Variants in MAP2K2 observed in about 807,000 individuals in gnomAD.
MAP2K2 encodes dual specificity mitogen-activated protein kinase kinase 2.
MAP2K2 carries 24 observed loss-of-function variants against 43.7 expected under a neutral mutation model. The ratio of observed to expected loss-of-function variants is 0.55; its 90% CI spans 0.40 to 0.77. MAP2K2 has a LOEUF of 0.77. Among genes scored for constraint, MAP2K2 ranks in the 30% least tolerant of loss-of-function variants. The probability of loss-of-function intolerance (pLI) is 0.00; values close to 1 mark genes in which losing one functional copy is unlikely to be tolerated. For missense variants in MAP2K2, 470 were observed against 566.8 expected (o/e 0.83, Z 1.73); for synonymous variants, 244 against 239.7 (o/e 1.02, Z -0.17).
chr19:4,113,474 C>T (rs2041181267), intron 2 of MAP2K2, among the ~76,000 whole-genome samples: 1 of 152,026 alleles, frequency 6.6e-6, no homozygotes, highest in African/African-American at 2.4e-5. Context: ...TAAAGTTCAC[C>T]CTGACAAGCC....
rs2041332242 is a variant in MAP2K2, at chr19:4,123,640, C to G, written c.92+144G>C. Reference sequence around the variant, plus strand: ...CTGTCCTCCCCTCGAGAACCCCCTGCCCCGTGCACCACTCACCCCGTCCTC... The same window carrying G: ...CTGTCCTCCCCTCGAGAACCCCCTGGCCCGTGCACCACTCACCCCGTCCTC... On this transcript the variant is annotated intron_variant, in intron 1 of 10. Transcript: ENST00000262948. The G allele has an allele frequency of 6.5e-6, 3 of 463,526 alleles. No individual in the cohort carries two copies. In the South Asian group the frequency reaches 8.3e-5, roughly 13 times the overall value. The allele number at this position is 463,526 out of a possible 1,614,324, so 28.7% of individuals were successfully genotyped here. A position where few individuals can be genotyped will look rare whatever the true frequency, so the allele number is the denominator to read the frequency against.
chr19:4,105,947 G>C (rs2041080608), intron 3 of MAP2K2, among the ~76,000 whole-genome samples: 1 of 152,124 alleles, frequency 6.6e-6, no homozygotes, highest in South Asian at 2.1e-4. Flanking sequence ...ACAGGAGTGA[G>C]CACCTGGCCC....
In MAP2K2 at chr19:4,090,433, A is replaced by C; in HGVS notation, c.*165T>G. 1 of 671,338 alleles carries C rather than the reference A, an allele frequency of 1.5e-6. No individual in the cohort carries two copies. The highest frequency in any genetic ancestry group is 1.7e-5 in the South Asian group (1 of 60,026). 41.6% of individuals were successfully genotyped at this position (671,338 alleles called of 1,614,324 possible). ...GCACCCCGGCCAGGACGGGCAGGAG[A>C]GGAGACCCCCGTTCCTGCATGCGCT... On this transcript the variant is annotated 3_prime_UTR_variant, in exon 11 of 11. Transcript: ENST00000262948.
At chr19:4,091,240 G>A (rs979020539) in intron 10 of MAP2K2, among the ~76,000 whole-genome samples, 1 of 152,244 alleles carries the variant, frequency 6.6e-6, no homozygotes, top group Non-Finnish European at 1.5e-5. Flanking sequence ...TACAGGCACC[G>A]TCCCACTCGC....
chr19:4,115,960 CAG>C lies in MAP2K2; in HGVS notation c.303+1457_303+1458del, dbSNP rs1411626017. 1.1e-4 allele frequency among the ~76,000 whole-genome samples: 17 copies of C among 152,304 alleles called. No homozygotes were observed. The East Asian group carries it at 3.3e-3, about 29-fold the overall frequency. On this transcript the variant is annotated intron_variant, in intron 2 of 10. Coordinates refer to ENST00000262948, the MANE Select transcript of MAP2K2 (RefSeq NM_030662.4). This position sits in a 1 kb window ranked among gnomAD's most constrained non-coding sequence, Gnocchi z 4.1. ...ATCCCCTGGGCACTATTCTCAAACA[CAG>C]AGCACAGAGGCTGCATCATGGCCCA...
chr19:4,123,857 G>C lies in MAP2K2; in HGVS notation c.19C>G (p.Pro7Ala). The C allele has an allele frequency of 6.6e-7, 1 of 1,513,484 alleles. No homozygotes were observed. The allele number at this position is 1,513,484 out of a possible 1,614,324, so 93.8% of individuals were successfully genotyped here. A position where few individuals can be genotyped will look rare whatever the true frequency, so the allele number is the denominator to read the frequency against. The change falls in exon 1 of 11, where the codon CCG becomes GCG. Residue 7 changes from proline to alanine, a missense_variant. By Grantham distance (27) the Pro-to-Ala change is conservative. Around this residue, in one of 3 missense-constraint regions of MAP2K2, gnomAD observed 58 missense variants for 48.0 expected, o/e 1.21. Transcript: ENST00000262948. Reference protein sequence around the residue: MLARRKPVLPALTINPT... With the variant: MLARRKAVLPALTINPT... ...TTGATGGTGAGCGCCGGCAGCACCG[G>C]CTTCCTCCGGGCCAGCATCGGGGCT...
intron 10 of MAP2K2, among the ~76,000 whole-genome samples, chr19:4,093,070 G>A (rs1041085372): frequency 3.3e-5 from 5 of 152,224 alleles, no homozygotes; most frequent in East Asian, 3.9e-4. Context: ...TTAGCTGGGC[G>A]TGGTGGCAGC....
chr19:4,115,090 G>C lies in MAP2K2; in HGVS notation c.303+2329C>G, dbSNP rs984998898. 1.3e-5 allele frequency among the ~76,000 whole-genome samples: 2 copies of C among 152,124 alleles called. No individual in the cohort carries two copies. The highest frequency in any genetic ancestry group is 2.1e-4 in the South Asian group (1 of 4,820). ...CTTTAAAGAAAACCTAATTTTGAAA[G>C]AATTATAGAAGCACAGGAAGTTGCA... On this transcript the variant is annotated intron_variant, in intron 2 of 10. Transcript: ENST00000262948. The surrounding 1 kb of genome is among the most constrained non-coding windows in gnomAD (Gnocchi z 4.1).
chr19:4,110,445 C>G, intron 3 of MAP2K2, 64 bp downstream of exon 3: 1 of 1,598,402 alleles, frequency 6.3e-7, no homozygotes, highest in Non-Finnish European at 8.5e-7. Context: ...GGGGGTCTTC[C>G]TTCTCCCCAA....
chr19:4,094,725 G>A (rs781075135), intron 9 of MAP2K2: 1 of 572,650 alleles, frequency 1.7e-6, no homozygotes, highest in Non-Finnish European at 3.1e-6. Flanking sequence ...CAGCGGGAGG[G>A]TGAGAGGGAA....
At chr19:4,098,227 C>A (rs2040949002) in intron 7 of MAP2K2, among the ~76,000 whole-genome samples, 1 of 152,174 alleles carries the variant, frequency 6.6e-6, no homozygotes, top group Non-Finnish European at 1.5e-5. Flanking sequence ...AAGTGTGTGA[C>A]CCCATTTCTG....
intron 1 of MAP2K2, among the ~76,000 whole-genome samples, chr19:4,121,532 C>G (rs1452959756): frequency 7.3e-6 from 1 of 136,484 alleles, no homozygotes; most frequent in East Asian, 2.3e-4. Context: ...CAACATGAGA[C>G]CCCTAGGACC....
rs572450655 is a variant in MAP2K2 at position 4,112,259 on chromosome 19, G to C, written c.304-1604C>G. Among the ~76,000 whole-genome samples, 4 of 152,344 alleles carry C rather than the reference G, an allele frequency of 2.6e-5. No homozygotes were observed. The East Asian group carries it at 7.7e-4, about 29-fold the overall frequency. ...CTGGAGGAGACCTGGGGTCAGGACGGGAACAGGAATGGGTAAGACCACCTC... is the reference window on the plus strand; with the variant it reads ...CTGGAGGAGACCTGGGGTCAGGACGCGAACAGGAATGGGTAAGACCACCTC... On this transcript the variant is annotated intron_variant, in intron 2 of 10. Transcript: ENST00000262948.
intron 4 of MAP2K2, 111 bp downstream of exon 4, chr19:4,102,265 G>A: frequency 1.1e-6 from 1 of 925,350 alleles, no homozygotes; most frequent in Admixed American, 2.0e-5. Context: ...CTTTCTGCAG[G>A]GGCCACCCTA....
At chr19:4,106,388 G>C (rs2041086124) in intron 3 of MAP2K2, among the ~76,000 whole-genome samples, 2 of 152,116 alleles carry the variant, frequency 1.3e-5, no homozygotes, top group African/African-American at 4.8e-5. Context: ...ATAAACAAAT[G>C]AATGGGCCAA....
chr19:4,120,209 C>G (rs942203307), intron 1 of MAP2K2, among the ~76,000 whole-genome samples: 1 of 152,224 alleles, frequency 6.6e-6, no homozygotes, highest in Non-Finnish European at 1.5e-5. Context: ...CACTGAGGAG[C>G]TGCTGAACAA....
In MAP2K2 at chr19:4,093,547, C is replaced by T. The variant is rs544442311; in HGVS notation, c.1092+906G>A. Among the ~76,000 whole-genome samples the T allele has an allele frequency of 1.4e-4, 22 of 151,894 alleles. No individual in the cohort carries two copies. The East Asian group carries it at 3.9e-3, about 27-fold the overall frequency. ...TTCTACTAAAAATACAAAAATTAGCCGGGTGTGGTGGCGGGTGCCTGTAAT... is the reference window on the plus strand; with the variant it reads ...TTCTACTAAAAATACAAAAATTAGCTGGGTGTGGTGGCGGGTGCCTGTAAT... On this transcript the variant is annotated intron_variant, in intron 10 of 10. Coordinates refer to ENST00000262948, the MANE Select transcript of MAP2K2 (RefSeq NM_030662.4).
intron 3 of MAP2K2, among the ~76,000 whole-genome samples, chr19:4,109,179 C>T (rs1258861687): frequency 2.0e-5 from 3 of 152,210 alleles, no homozygotes; most frequent in Non-Finnish European, 1.5e-5. Flanking sequence ...CTGATGAGCT[C>T]GGTGTGGCGG....
In MAP2K2 at chr19:4,102,459, G is replaced by T; in HGVS notation, c.451-6C>A. 6.3e-7 allele frequency: 1 copy of T among 1,592,222 alleles called. No homozygotes were observed. ...TGGTCCAGGGAGCCGCCGTCCTAGA[G>T]GGCACACAAGGAGTGAGTGCAGGCT... On this transcript the variant is annotated splice_region_variant and splice_polypyrimidine_tract_variant and intron_variant, in intron 3 of 10. Coordinates refer to ENST00000262948, the MANE Select transcript of MAP2K2 (RefSeq NM_030662.4).
Sources: gnomAD v4.1 joint callset for allele counts (sites outside exome capture counted in the v4.1 genomes callset) on GRCh38, gnomAD v4.1.1 for gene constraint, gnomAD v4.1.1 regional missense constraint, Gnocchi (gnomAD v3.1) non-coding constraint, MANE v1.5 for transcripts, NCBI Gene and HGNC (gene_info 2026-07-23, HGNC 2026-07-21) for gene names.